Variants in EPM2A observed in about 807,000 individuals in gnomAD.
The protein encoded by EPM2A is laforin.
Under a neutral mutation model 26.5 loss-of-function variants are expected in EPM2A, and 21 were observed. The observed-to-expected ratio is 0.79, with a 90% CI of 0.56 to 1.14. The LOEUF is 1.14. Ranked by LOEUF, EPM2A falls within the 50% of genes most tolerant of loss-of-function variation. The pLI is 0.00. For synonymous variants in EPM2A, 217 were observed against 177.6 expected (o/e 1.22, Z -1.76); for missense variants, 458 against 440.8 (o/e 1.04, Z -0.35).
intron 1 of EPM2A, chr6:145,734,590 G>C (rs1776709107): frequency 3.9e-5 from 6 of 152,204 alleles, no homozygotes; most frequent in Admixed American, 3.9e-4. Flanking sequence ...TTTTCCATTA[G>C]TTCATTCTCA....
intron 1 of EPM2A, chr6:145,706,015 A>C: frequency 6.7e-6 from 3 of 449,330 alleles, no homozygotes; most frequent in Non-Finnish European, 9.0e-6. Context: ...TTTGCATAGA[A>C]GGCTGGAAGA....
intron 2 of EPM2A, among the ~76,000 whole-genome samples, chr6:145,587,971 T>A (rs1781220124): frequency 6.6e-6 from 1 of 152,188 alleles, no homozygotes; most frequent in Admixed American, 6.5e-5. Flanking sequence ...CATGTACGAA[T>A]CAGACAGTAG....
intron 3 of EPM2A, chr6:145,631,513 G>A (rs1776248761): frequency 6.6e-6 from 1 of 152,128 alleles, no homozygotes; most frequent in South Asian, 2.1e-4. Context: ...GTTCTCAGTA[G>A]ATGCTCCATA....
At chr6:145,551,764 C>T (rs1780658518) in intron 2 of EPM2A, among the ~76,000 whole-genome samples, 1 of 151,802 alleles carries the variant, frequency 6.6e-6, no homozygotes, top group African/African-American at 2.4e-5. Context: ...TCATTAACAG[C>T]ACAAAATCCA....
intron 4 of EPM2A, among the ~76,000 whole-genome samples, chr6:145,413,645 G>T (rs1433370965): frequency 6.6e-6 from 1 of 152,074 alleles, no homozygotes; most frequent in Non-Finnish European, 1.5e-5. Context: ...CTCTTCATGA[G>T]ATAAAATTCA....
chr6:145,427,060 G>A (rs1689926679), intron 4 of EPM2A, among the ~76,000 whole-genome samples: 1 of 152,140 alleles, frequency 6.6e-6, no homozygotes, highest in African/African-American at 2.4e-5. Flanking sequence ...AGTCATTCAT[G>A]GAGTTCAAAG....
In EPM2A at chr6:145,635,404, T is replaced by C; in HGVS notation, c.559A>G (p.Thr187Ala). 6.2e-7 allele frequency: 1 copy of C among 1,614,134 alleles called. No homozygotes were observed. The highest frequency in any genetic ancestry group is 2.2e-5 in the East Asian group (1 of 44,886). Residue 187 changes from threonine (T) to alanine (A), a missense_variant, in exon 3 of 4, where the codon ACA (threonine) becomes GCA (alanine). Thr to Ala is a moderately conservative substitution (Grantham distance 58). Coordinates refer to ENST00000367519, the MANE Select transcript of EPM2A (RefSeq NM_005670.4). ...TIKLKHELGITAVMNFQTEWD... is the reference protein window; with the variant it reads ...TIKLKHELGIAAVMNFQTEWD... ...TCAGTCTGGAAATTCATTACAGCTG[T>C]AATCCCCAATTCATGCTTCAGTTTG...
chr6:145,510,363 T>C (rs1053391506), intron 2 of EPM2A, among the ~76,000 whole-genome samples: 1 of 151,976 alleles, frequency 6.6e-6, no homozygotes, highest in Non-Finnish European at 1.5e-5. Flanking sequence ...CCTCATGAAT[T>C]AAAAAACATC....
At chr6:145,720,238 A>G (rs1205029767) in intron 1 of EPM2A, among the ~76,000 whole-genome samples, 1 of 152,190 alleles carries the variant, frequency 6.6e-6, no homozygotes, top group Non-Finnish European at 1.5e-5. Context: ...AGAACTTTTT[A>G]AATAAGTATT....
chr6:145,520,528 T>C (rs1183991128), intron 2 of EPM2A, among the ~76,000 whole-genome samples: 2 of 152,246 alleles, frequency 1.3e-5, no homozygotes, highest in African/African-American at 2.4e-5. Flanking sequence ...ATAAGGCTTA[T>C]ATGCTTGTAA....
rs551992647 is a variant in EPM2A at position 145,531,403 on chromosome 6, T to C, written c.341-28828A>G. The stretch of plus-strand genomic sequence containing the variant: ...AAAGGGGGATTATGGGTAAAGACCC[T>C]GCAACACTATTGGCACAAGCTTCAT... On this transcript the variant is annotated intron_variant, in intron 2 of 3. Coordinates refer to the EPM2A transcript ENST00000450221. 6.0e-4 allele frequency among the ~76,000 whole-genome samples: 91 copies of C among 152,332 alleles called. 1 individual carries two copies. Among genetic ancestry groups the C allele is most frequent in the Admixed American group, 8.5e-4 (13 of 15,302 alleles).
At chr6:145,425,405 C>T (rs550951116) in intron 4 of EPM2A, among the ~76,000 whole-genome samples, 1 of 152,056 alleles carries the variant, frequency 6.6e-6, no homozygotes, top group Non-Finnish European at 1.5e-5. Context: ...GAACCCCTGA[C>T]CTCAAGGGAC....
chr6:145,433,810 T>C (rs529522859), intron 4 of EPM2A, among the ~76,000 whole-genome samples: 2 of 152,192 alleles, frequency 1.3e-5, no homozygotes. Flanking sequence ...GAGGACTTAC[T>C]GTGGTTTTGT....
chr6:145,445,598 C>A (rs1051420507), intron 4 of EPM2A, among the ~76,000 whole-genome samples: 2 of 152,138 alleles, frequency 1.3e-5, no homozygotes, highest in African/African-American at 2.4e-5. Flanking sequence ...CTTGAATAAG[C>A]ACTCCTCAGG....
intron 2 of EPM2A, among the ~76,000 whole-genome samples, chr6:145,511,791 G>A (rs1258297016): frequency 6.6e-6 from 1 of 152,098 alleles, no homozygotes; most frequent in Non-Finnish European, 1.5e-5. Context: ...GAAATAAAAG[G>A]CATTCAGATT....
At chr6:145,656,348 T>C (rs1778282264) in intron 2 of EPM2A, among the ~76,000 whole-genome samples, 1 of 152,166 alleles carries the variant, frequency 6.6e-6, no homozygotes, top group South Asian at 2.1e-4. Flanking sequence ...GCCTCCACAG[T>C]GTGGAGAAAG....
chr6:145,433,784 A>G (rs1778951496), intron 4 of EPM2A, among the ~76,000 whole-genome samples: 1 of 152,160 alleles, frequency 6.6e-6, no homozygotes, highest in African/African-American at 2.4e-5. Context: ...TCAAAAACCT[A>G]TTAATAACAT....
intron 2 of EPM2A, among the ~76,000 whole-genome samples, chr6:145,530,578 C>A (rs1780340156): frequency 6.6e-6 from 1 of 151,792 alleles, no homozygotes; most frequent in African/African-American, 2.4e-5. Flanking sequence ...TTTCTTTGAG[C>A]CTGAATTTCC....
intron 2 of EPM2A, among the ~76,000 whole-genome samples, chr6:145,606,448 A>G (rs188002880): frequency 3.3e-5 from 5 of 151,912 alleles, no homozygotes; most frequent in African/African-American, 1.2e-4. Flanking sequence ...TTTTGTTTAT[A>G]ATATTTATTT....
Sources: gnomAD v4.1 joint callset for allele counts (sites outside exome capture counted in the v4.1 genomes callset) on GRCh38, gnomAD v4.1.1 for gene constraint, MANE v1.5 for transcripts, NCBI Gene and HGNC (gene_info 2026-07-23, HGNC 2026-07-21) for gene names.